The following HHAT variants were observed in gnomAD, a reference collection of about 807,000 sequenced individuals.
HHAT encodes protein-cysteine N-palmitoyltransferase HHAT.
Under a neutral mutation model 70.8 loss-of-function variants are expected in HHAT, and 47 were observed. The observed-to-expected ratio is 0.66, with a 90% CI of 0.53 to 0.85. The LOEUF (loss-of-function observed/expected upper bound fraction) is 0.85. HHAT is among the 40% of genes least tolerant of loss of function. HHAT has a pLI of 0.00. For missense variants in HHAT, 609 were observed against 604.8 expected (o/e 1.01, Z -0.07); for synonymous variants, 228 against 247.6 (o/e 0.92, Z 0.74).
At position 210,587,905 on chromosome 1, in the gene HHAT, T is replaced by C. The variant is rs1660820876; in HGVS notation, c.1051T>C (p.Tyr351His). Residue 351 changes from tyrosine to histidine, a missense_variant, in exon 10 of 12, where the codon TAC becomes CAC. Physicochemically the swap from Tyr to His is moderately conservative, Grantham distance 83 (BLOSUM62 2). Transcript: ENST00000261458. ...GLHNFLIRYV[Y>H]IPVGGSQHGL... is the part of the protein sequence containing the mutation. ...AGCCTCTTCTTTCTCTAGGTATGTG[T>C]ACATTCCAGTGGGCGGGTCCCAGCA... The C allele has an allele frequency of 6.2e-7, 1 of 1,613,152 alleles. No homozygotes were observed. The highest frequency in any genetic ancestry group is 1.3e-5 in the African/African-American group (1 of 74,910).
chr1:210,552,002 TGA>T (rs2095531841), intron 9 of HHAT, among the ~76,000 whole-genome samples: 1 of 152,226 alleles, frequency 6.6e-6, no homozygotes, highest in African/African-American at 2.4e-5. Context: ...TGCTAGGAGT[TGA>T]GTTTCCTTTC....
intron 3 of HHAT, among the ~76,000 whole-genome samples, chr1:210,371,748 CACCA>C (rs2089590133): frequency 1.3e-5 from 2 of 152,172 alleles, no homozygotes; most frequent in Admixed American, 6.5e-5. Context: ...TCTGTAAACT[CACCA>C]GAGTTTACAC....
chr1:210,594,180 C>T (rs566552348), intron 10 of HHAT, among the ~76,000 whole-genome samples: 1 of 152,198 alleles, frequency 6.6e-6, no homozygotes, highest in Admixed American at 6.6e-5. Context: ...ATTATTTATA[C>T]ATAAGGACTT....
chr1:210,550,236 C>T (rs1049795567), intron 9 of HHAT, among the ~76,000 whole-genome samples: 4 of 149,378 alleles, frequency 2.7e-5, no homozygotes, highest in African/African-American at 9.9e-5. Flanking sequence ...CTTCAGCTGG[C>T]TGAGATTTCT....
intron 4 of HHAT, among the ~76,000 whole-genome samples, chr1:210,389,940 C>T (rs926790735): frequency 1.3e-5 from 2 of 152,152 alleles, no homozygotes; most frequent in Non-Finnish European, 2.9e-5. Context: ...AGCGGTTGTC[C>T]TCTGTAAAAT....
intron 7 of HHAT, among the ~76,000 whole-genome samples, chr1:210,460,032 A>G (rs1267630808): frequency 1.3e-5 from 2 of 152,228 alleles, no homozygotes; most frequent in Non-Finnish European, 2.9e-5. Context: ...GCTGTTCACC[A>G]GAACATCTTC....
At chr1:210,516,244 C>T (rs1315163809) in intron 9 of HHAT, among the ~76,000 whole-genome samples, 1 of 152,048 alleles carries the variant, frequency 6.6e-6, no homozygotes, top group Non-Finnish European at 1.5e-5. Flanking sequence ...ATGGCAGCAG[C>T]AGCTCCTTTA....
Position 210,583,338 on chromosome 1 carries a change from G to A in HHAT, c.1044-4560G>A, listed in dbSNP as rs549979786. Among the ~76,000 whole-genome samples, 9 of 152,264 alleles carry A rather than the reference G, an allele frequency of 5.9e-5. No individual in the cohort carries two copies. The East Asian group carries it at 1.4e-3, about 23-fold the overall frequency. ...AGCCGGCCAGGCAGAGGCAGGCTTC[G>A]TGAAGACTCAACCTGACATAGTCAC... On this transcript the variant is annotated intron_variant, in intron 9 of 11. Transcript: ENST00000261458.
At chr1:210,610,852 T>A (rs541805030) in intron 10 of HHAT, among the ~76,000 whole-genome samples, 1 of 152,254 alleles carries the variant, frequency 6.6e-6, no homozygotes, top group East Asian at 1.9e-4. Flanking sequence ...CTGGGTTCTC[T>A]ATTCTGTTCT....
intron 1 of HHAT, 127 bp from the exon 2 acceptor site, chr1:210,348,806 T>G: frequency 1.2e-5 from 10 of 827,684 alleles, no homozygotes; most frequent in Admixed American, 3.2e-5. Flanking sequence ...GGAAGCTTGA[T>G]TGGGGTTATG....
rs1040959615 is a variant in HHAT at position 210,440,396 on chromosome 1, A to G, written c.856+22071A>G. The stretch of plus-strand genomic sequence containing the variant: ...TTGGGTAATTCTTTGGAGTGGTCCC[A>G]AGCAGAGTGAGGAGGCTAAGCCTTT... On this transcript the variant is annotated intron_variant, in intron 7 of 11. Transcript: ENST00000261458. Among the ~76,000 whole-genome samples the G allele has an allele frequency of 4.0e-5, 6 of 151,746 alleles. No homozygotes were observed. In the South Asian group the frequency reaches 6.2e-4, roughly 16 times the overall value.
chr1:210,590,919 CT>C (rs1661558308), intron 10 of HHAT, among the ~76,000 whole-genome samples: 1 of 152,022 alleles, frequency 6.6e-6, no homozygotes. Flanking sequence ...GTCATATCTT[CT>C]TTACAAAAAA....
intron 9 of HHAT, among the ~76,000 whole-genome samples, chr1:210,564,689 A>G (rs911679938): frequency 1.3e-5 from 2 of 152,180 alleles, no homozygotes; most frequent in African/African-American, 4.8e-5. Flanking sequence ...CTAAAGAGGA[A>G]AGTGGAGGGC....
intron 2 of HHAT, among the ~76,000 whole-genome samples, chr1:210,356,782 G>A (rs2087676357): frequency 6.6e-6 from 1 of 152,330 alleles, no homozygotes; most frequent in Admixed American, 6.5e-5. Context: ...TGTGATTAGA[G>A]GAACGTGGTT....
chr1:210,514,042 T>C (rs964999721), intron 9 of HHAT, among the ~76,000 whole-genome samples: 3 of 152,212 alleles, frequency 2.0e-5, no homozygotes, highest in Non-Finnish European at 4.4e-5. Flanking sequence ...GTAAGTGTTA[T>C]GGTGGTTCTT....
chr1:210,650,866 C>T (rs1056662325), intron 11 of HHAT, among the ~76,000 whole-genome samples: 1 of 152,170 alleles, frequency 6.6e-6, no homozygotes, highest in African/African-American at 2.4e-5. Context: ...TGGCATACTC[C>T]TTCCTTAGTT....
chr1:210,608,613 T>C (rs1057203294), intron 10 of HHAT, among the ~76,000 whole-genome samples: 2 of 152,168 alleles, frequency 1.3e-5, no homozygotes, highest in African/African-American at 4.8e-5. Context: ...TTATTGGAAT[T>C]TTTTAGATGT....
At chr1:210,612,009 C>T (rs143398763) in intron 10 of HHAT, among the ~76,000 whole-genome samples, 154 of 152,000 alleles carry the variant, frequency 1.0e-3, no homozygotes, top group Middle Eastern at 3.4e-3. Context: ...ATCAGGATGA[C>T]GCTGGCCTTC....
rs60794222 is a variant in HHAT at position 210,429,364 on chromosome 1, G to A, written c.856+11039G>A. Among the ~76,000 whole-genome samples, 2,318 of 151,738 alleles carry A rather than the reference G, an allele frequency of 0.015. 123 individuals carry two copies. The East Asian group carries it at 0.15, about 10-fold the overall frequency. On this transcript the variant is annotated intron_variant, in intron 7 of 11. Coordinates refer to ENST00000261458, the MANE Select transcript of HHAT (RefSeq NM_018194.6). Reference sequence around the variant, plus strand: ...TGTCAACCCAGAATCAGCCAAATGCGTCATTTGGTTTCATGTCTATTAGTC... The same window carrying A: ...TGTCAACCCAGAATCAGCCAAATGCATCATTTGGTTTCATGTCTATTAGTC...
Sources: gnomAD v4.1 joint callset for allele counts (sites outside exome capture counted in the v4.1 genomes callset) on GRCh38, gnomAD v4.1.1 for gene constraint, MANE v1.5 for transcripts, NCBI Gene and HGNC (gene_info 2026-07-23, HGNC 2026-07-21) for gene names.